The following KLHL4 variants were observed in gnomAD, a reference collection of about 807,000 sequenced individuals.
The protein encoded by KLHL4 is kelch like family member 4, also known as kelch-like protein 4.
A neutral mutation model predicts 45.8 loss-of-function variants in KLHL4; 17 were observed. The ratio of observed to expected loss-of-function variants is 0.37; its 90% CI spans 0.25 to 0.56. The LOEUF is 0.56. Ranked by LOEUF, KLHL4 falls within the 20% of genes least tolerant of loss-of-function variation. KLHL4 has a pLI of 0.79. For synonymous variants in KLHL4, 224 were observed against 189.9 expected (o/e 1.18, Z -1.47); for missense variants, 544 against 544.9 (o/e 1.00, Z 0.02).
chrX:87,663,222 C>A (rs966676741), intron 9 of KLHL4, among the ~76,000 whole-genome samples: 6 of 111,008 alleles, frequency 5.4e-5, no homozygotes, highest in African/African-American at 2.0e-4. Context: ...ATGACTCATT[C>A]TCTTGACTTC....
At chrX:87,639,875 C>CA (rs1051460536) in intron 9 of KLHL4, among the ~76,000 whole-genome samples, 1 of 102,440 alleles carries the variant, frequency 9.8e-6, no homozygotes, top group African/African-American at 4.0e-5. Flanking sequence ...ACAACAACAA[C>CA]AAAAAAATAC....
Position 87,635,750 on chromosome X carries a change from T to C in KLHL4, c.1900T>C (p.Ser634Pro), listed in dbSNP as rs776649394. The C allele has an allele frequency of 3.3e-6, 4 of 1,196,861 alleles. No individual in the cohort carries two copies. The highest frequency in any genetic ancestry group is 1.7e-5 in the African/African-American group (1 of 57,786). Residue 634 changes from serine to proline, a missense_variant, in exon 9 of 11, where the codon TCC becomes CCC. By Grantham distance (74) the Ser-to-Pro change is moderately conservative (BLOSUM62 -1). Coordinates refer to ENST00000373119, the MANE Select transcript of KLHL4 (RefSeq NM_019117.5). The stretch of plus-strand genomic sequence containing the variant: ...TGATGCCCCTGCTTCCAACCATTGC[T>C]CCAGGCTTTCTGACTGTGTGGAACG... Reference protein sequence around the residue: ...GHDAPASNHCSRLSDCVERYD... With the variant: ...GHDAPASNHCPRLSDCVERYD...
At chrX:87,652,366 T>C (rs1421754762) in intron 9 of KLHL4, among the ~76,000 whole-genome samples, 2 of 112,501 alleles carry the variant, frequency 1.8e-5, no homozygotes, top group African/African-American at 6.5e-5. Context: ...AAAGAAATTT[T>C]CTATCACATT....
chrX:87,570,169 T>A (rs1019683238), intron 1 of KLHL4, among the ~76,000 whole-genome samples: 1 of 111,032 alleles, frequency 9.0e-6, no homozygotes, highest in African/African-American at 3.3e-5. Flanking sequence ...TCATAAGAGG[T>A]ACAAAATGTA....
In KLHL4 at chrX:87,637,114, G is replaced by A. The variant is rs142491856; in HGVS notation, c.1925+1339G>A. Among the ~76,000 whole-genome samples the A allele has an allele frequency of 2.1e-3, 231 of 111,261 alleles. 2 individuals are homozygous for A. In the Middle Eastern group the frequency reaches 0.037, roughly 18 times the overall value. On this transcript the variant is annotated intron_variant, in intron 9 of 10. Coordinates refer to ENST00000373119, the MANE Select transcript of KLHL4 (RefSeq NM_019117.5). ...TACTTCACTCCCCAGCCACCTCCAC[G>A]AGAGTAGGTGCTAGTATCCATGGCT... is the stretch of plus-strand genomic sequence containing the variant.
At chrX:87,532,015 G>T (rs201065015) in intron 1 of KLHL4, among the ~76,000 whole-genome samples, 2 of 108,115 alleles carry the variant, frequency 1.8e-5, no homozygotes, top group African/African-American at 6.7e-5. Context: ...AAAAGAGCCC[G>T]CATCGCCAAG....
intron 9 of KLHL4, among the ~76,000 whole-genome samples, chrX:87,644,838 G>A (rs888620746): frequency 6.3e-5 from 7 of 111,761 alleles, no homozygotes; most frequent in Admixed American, 1.9e-4. Flanking sequence ...TGGGATTATA[G>A]GCTAGCCACA....
intron 9 of KLHL4, among the ~76,000 whole-genome samples, chrX:87,637,217 A>C (rs1923290498): frequency 9.0e-6 from 1 of 111,320 alleles, no homozygotes; most frequent in Admixed American, 9.5e-5. Flanking sequence ...GGGTGGCTAG[A>C]TCCAGAACAG....
At chrX:87,555,848 G>A (rs1931959422) in intron 1 of KLHL4, among the ~76,000 whole-genome samples, 1 of 109,537 alleles carries the variant, frequency 9.1e-6, no homozygotes, top group African/African-American at 3.3e-5. Context: ...TTTCTCTTGT[G>A]GGCATTTAGT....
chrX:87,587,926 A>G (rs984442714), intron 1 of KLHL4, among the ~76,000 whole-genome samples: 1 of 111,760 alleles, frequency 8.9e-6, no homozygotes, highest in Non-Finnish European at 1.9e-5. Flanking sequence ...CAAGAAATCT[A>G]CTAGAACTGA....
chrX:87,617,931 G>C lies in KLHL4; in HGVS notation c.728-1G>C. The C allele has an allele frequency of 8.3e-7, 1 of 1,200,624 alleles. No individual in the cohort carries two copies. The highest frequency in any genetic ancestry group is 1.1e-6 in the Non-Finnish European group (1 of 887,696). ...ATTCTTTGCTTTTTCAAACCATCTA[G>C]GAGTCCTGCAATTGAAAGAAGATAC... On this transcript the variant is annotated splice_acceptor_variant, in intron 3 of 10. Transcript: ENST00000373119. LOFTEE classifies it high-confidence loss of function.
At chrX:87,526,250 T>A (rs1360980885) in intron 1 of KLHL4, among the ~76,000 whole-genome samples, 1 of 112,355 alleles carries the variant, frequency 8.9e-6, no homozygotes, top group African/African-American at 3.2e-5. Context: ...CTGAAGTATG[T>A]TGCAACGTGC....
rs1923128219 is a variant in KLHL4, at chrX:87,632,449, T to C, written c.1549+15T>C. On this transcript the variant is annotated intron_variant, in intron 7 of 10. Transcript: ENST00000373119. ...GCACGGCTTAGGTAAGAGCTTAACG[T>C]AATGTATTTTTCAAGAATGTATAGT... 9.2e-7 allele frequency: 1 copy of C among 1,088,353 alleles called. No individual in the cohort carries two copies. The highest frequency in any genetic ancestry group is 1.3e-6 in the Non-Finnish European group (1 of 796,060). 89.7% of individuals were successfully genotyped at this position (1,088,353 alleles called of 1,213,427 possible).
At chrX:87,658,121 G>T (rs1421211093) in intron 9 of KLHL4, among the ~76,000 whole-genome samples, 1 of 111,902 alleles carries the variant, frequency 8.9e-6, no homozygotes, top group Non-Finnish European at 1.9e-5. Context: ...AACATCTCAG[G>T]TTGCAAAACT....
chrX:87,551,446 C>T (rs1176337275), intron 1 of KLHL4, among the ~76,000 whole-genome samples: 1 of 111,093 alleles, frequency 9.0e-6, no homozygotes, highest in Non-Finnish European at 1.9e-5. Context: ...ACAAATTCAA[C>T]ACAATCCCCA....
chrX:87,666,525 G>T lies in KLHL4; in HGVS notation c.2148G>T (p.Lys716Asn). 3.3e-6 allele frequency: 4 copies of T among 1,197,871 alleles called. No individual in the cohort carries two copies. The highest frequency in any genetic ancestry group is 4.5e-6 in the Non-Finnish European group (4 of 887,024). The change falls in exon 11 of 11, where the codon AAG (lysine) becomes AAT (asparagine). Residue 716 changes from lysine (K) to asparagine (N), a missense_variant. Lys to Asn is a moderately conservative substitution (Grantham distance 94, BLOSUM62 0). Transcript: ENST00000373119. ...GRAGACVVVV[K>N]LP Reference sequence around the variant, plus strand: ...CTGGTGCATGTGTTGTAGTGGTGAAGCTACCCTAAAGCTATCTATCTTTAT... The same window carrying T: ...CTGGTGCATGTGTTGTAGTGGTGAATCTACCCTAAAGCTATCTATCTTTAT...
At chrX:87,526,957 A>G in intron 1 of KLHL4, among the ~76,000 whole-genome samples, 1 of 111,980 alleles carries the variant, frequency 8.9e-6, no homozygotes, top group East Asian at 2.8e-4. Flanking sequence ...CAGGTTCTCA[A>G]AAAGTTCCAT....
At chrX:87,567,036 C>T (rs6617443) in intron 1 of KLHL4, among the ~76,000 whole-genome samples, 48,686 of 109,497 alleles carry the variant, frequency 0.44, 7,836 homozygotes, top group East Asian at 0.77. Flanking sequence ...ATGTAACAAA[C>T]CTGCACTTAT....
chrX:87,643,511 C>T (rs1923534468), intron 9 of KLHL4, among the ~76,000 whole-genome samples: 1 of 111,624 alleles, frequency 9.0e-6, no homozygotes, highest in Non-Finnish European at 1.9e-5. Flanking sequence ...TCTTTTGACA[C>T]TATTCCACAA....
Sources: gnomAD v4.1 joint callset for allele counts (sites outside exome capture counted in the v4.1 genomes callset) on GRCh38, gnomAD v4.1.1 for gene constraint, MANE v1.5 for transcripts, NCBI Gene and HGNC (gene_info 2026-07-23, HGNC 2026-07-21) for gene names.